Variants in CCDC146 observed in about 807,000 individuals in gnomAD.
CCDC146 encodes coiled-coil domain-containing protein 146.
A neutral mutation model predicts 119.3 loss-of-function variants in CCDC146; 92 were observed. The ratio of observed to expected loss-of-function variants is 0.77; its 90% CI spans 0.65 to 0.92. CCDC146 has a LOEUF of 0.92. CCDC146 is among the 40% of genes least tolerant of loss of function. CCDC146 has a pLI of 0.00. For synonymous variants in CCDC146, 372 were observed against 371.8 expected (o/e 1.00, Z -0.01); for missense variants, 1,000 against 1,103.0 (o/e 0.91, Z 1.32).
At chr7:77,233,656 C>A (rs938087030) in intron 2 of CCDC146, among the ~76,000 whole-genome samples, 3 of 152,094 alleles carry the variant, frequency 2.0e-5, no homozygotes, top group African/African-American at 7.2e-5. Context: ...AACCTAGATC[C>A]CTCACATGCG....
intron 2 of CCDC146, among the ~76,000 whole-genome samples, chr7:77,233,432 T>C (rs919064171): frequency 5.3e-5 from 8 of 152,088 alleles, no homozygotes; most frequent in Non-Finnish European, 1.0e-4. Flanking sequence ...ATCAAACTCT[T>C]CATCCCACCA....
intron 2 of CCDC146, chr7:77,194,276 T>C (rs1791823817): frequency 6.6e-6 from 1 of 152,104 alleles, no homozygotes. Context: ...TTATATATAC[T>C]AAATGACAAT....
chr7:77,136,767 C>T (rs1420726291), intron 1 of CCDC146, among the ~76,000 whole-genome samples: 1 of 152,060 alleles, frequency 6.6e-6, no homozygotes, highest in Non-Finnish European at 1.5e-5. Context: ...CACTCTGAGG[C>T]CAGCATTATT....
intron 11 of CCDC146, among the ~76,000 whole-genome samples, chr7:77,277,674 AC>A (rs1328331589): frequency 2.0e-5 from 3 of 152,180 alleles, no homozygotes; most frequent in Non-Finnish European, 4.4e-5. Context: ...ATTCATGTGT[AC>A]AGTTACTTAA....
At chr7:77,253,405 C>T (rs1793115957) in intron 4 of CCDC146, among the ~76,000 whole-genome samples, 1 of 152,194 alleles carries the variant, frequency 6.6e-6, no homozygotes, top group Non-Finnish European at 1.5e-5. Flanking sequence ...ACTGTGGACT[C>T]TTCTGTGATT....
At chr7:77,144,702 T>C (rs756212201) in intron 1 of CCDC146, among the ~76,000 whole-genome samples, 1 of 151,880 alleles carries the variant, frequency 6.6e-6, no homozygotes, top group Non-Finnish European at 1.5e-5. Context: ...TGGTTCTGTT[T>C]ATATGTTGGA....
chr7:77,230,491 G>GGTGT (rs1178975249), intron 2 of CCDC146, among the ~76,000 whole-genome samples: 2 of 73,290 alleles, frequency 2.7e-5, no homozygotes, highest in South Asian at 6.2e-4. Context: ...TTGGTTGACA[G>GGTGT]GTATGTGTGT....
At chr7:77,275,898 A>G (rs971571241) in intron 11 of CCDC146, among the ~76,000 whole-genome samples, 2 of 152,134 alleles carry the variant, frequency 1.3e-5, no homozygotes, top group Non-Finnish European at 2.9e-5. Flanking sequence ...AGGATATTAC[A>G]TATTACTAAA....
intron 2 of CCDC146, chr7:77,199,087 C>A: frequency 9.6e-7 from 1 of 1,043,094 alleles, no homozygotes; most frequent in African/African-American, 1.6e-5. Context: ...AATCTGTCAT[C>A]TATTTAACTT....
At chr7:77,205,458 G>T (rs1349171098) in intron 2 of CCDC146, among the ~76,000 whole-genome samples, 2 of 152,136 alleles carry the variant, frequency 1.3e-5, no homozygotes, top group African/African-American at 4.8e-5. Context: ...ACACATCACA[G>T]CCATCTGGAG....
intron 4 of CCDC146, among the ~76,000 whole-genome samples, chr7:77,252,230 TAAGAG>T (rs906141276): frequency 2.6e-5 from 4 of 152,076 alleles, no homozygotes; most frequent in Admixed American, 2.6e-4. Flanking sequence ...GGAGTTGCAG[TAAGAG>T]AAGAGAAGGT....
chr7:77,196,901 G>C lies in CCDC146; in HGVS notation c.156+29077G>C. 1.2e-6 allele frequency: 2 copies of C among 1,613,770 alleles called. No individual in the cohort carries two copies. Among genetic ancestry groups the C allele is most frequent in the Non-Finnish European group, 1.7e-6 (2 of 1,179,918 alleles). ...GTAAACTTCAAAGCTACTATTTTTG[G>C]GATCAGGTGTAACTCTGTAGGTCTC... On this transcript the variant is annotated intron_variant, in intron 2 of 18. Transcript: ENST00000285871. The surrounding 1 kb of genome is among the most constrained non-coding windows in gnomAD (Gnocchi z 4.2).
Position 77,206,688 on chromosome 7 carries a change from C to CAT in CCDC146, c.157-30258_157-30257insTA, listed in dbSNP as rs1385372423. On this transcript the variant is annotated intron_variant, in intron 2 of 18. Coordinates refer to ENST00000285871, the MANE Select transcript of CCDC146 (RefSeq NM_020879.3). ...ATATATATATACACACACACACACA[C>CAT]ACATACATATACACACATGAATTTA... Among the ~76,000 whole-genome samples, 6 of 150,196 alleles carry CAT rather than the reference C, an allele frequency of 4.0e-5. No individual in the cohort carries two copies. The Admixed American group carries it at 4.0e-4, about 10-fold the overall frequency.
intron 2 of CCDC146, among the ~76,000 whole-genome samples, chr7:77,181,510 C>G (rs1584047681): frequency 6.6e-6 from 1 of 152,122 alleles, no homozygotes; most frequent in African/African-American, 2.4e-5. Context: ...AATGTTAAAG[C>G]GGTAACTATG....
At chr7:77,130,668 G>A (rs1261528129) in intron 1 of CCDC146, among the ~76,000 whole-genome samples, 7 of 143,036 alleles carry the variant, frequency 4.9e-5, no homozygotes, top group African/African-American at 1.6e-4. Context: ...GCGCGATCTC[G>A]ACTCACTGCA....
chr7:77,151,235 A>C (rs1344178683), intron 1 of CCDC146, among the ~76,000 whole-genome samples: 1 of 152,098 alleles, frequency 6.6e-6, no homozygotes, highest in Admixed American at 6.5e-5. Context: ...CACAGGTCTC[A>C]TCTCCAACTA....
intron 2 of CCDC146, among the ~76,000 whole-genome samples, chr7:77,183,067 A>G (rs1407557761): frequency 6.6e-6 from 1 of 152,158 alleles, no homozygotes; most frequent in Non-Finnish European, 1.5e-5. Flanking sequence ...AATCTCCTTC[A>G]TGAAATGGAG....
At chr7:77,203,036 C>A (rs879531726) in intron 2 of CCDC146, among the ~76,000 whole-genome samples, 1 of 143,322 alleles carries the variant, frequency 7.0e-6, no homozygotes, top group Non-Finnish European at 1.5e-5. Flanking sequence ...TACTTGCCCC[C>A]CCCCCCCCCA....
intron 2 of CCDC146, chr7:77,199,702 T>C: frequency 8.7e-6 from 14 of 1,614,172 alleles, no homozygotes; most frequent in Non-Finnish European, 1.2e-5. Context: ...TCTTTCATCT[T>C]TAATTTCCTC....
Sources: allele counts gnomAD v4.1 joint callset (sites outside exome capture counted in the v4.1 genomes callset), GRCh38; gene constraint gnomAD v4.1.1; non-coding constraint Gnocchi (gnomAD v3.1); transcripts MANE v1.5; gene names NCBI Gene and HGNC (gene_info 2026-07-23, HGNC 2026-07-21).